PCGF5: variants seen among roughly 807,000 people sequenced by gnomAD.
The protein encoded by PCGF5 is polycomb group RING finger protein 5.
A neutral mutation model predicts 44.3 loss-of-function variants in PCGF5; 9 were observed. The observed-to-expected ratio is 0.20, with a 90% CI of 0.12 to 0.35. The LOEUF (loss-of-function observed/expected upper bound fraction) is 0.35. Among genes scored for constraint, PCGF5 ranks in the 10% least tolerant of loss-of-function variants. The pLI is 1.00. For missense variants in PCGF5, 146 were observed against 305.3 expected, an observed-to-expected ratio of 0.48 and a Z score of 3.89; for synonymous variants, 95 against 102.5, an observed-to-expected ratio of 0.93 and a Z score of 0.44.
At chr10:91,194,111 A>C (rs1844084043) in intron 1 of PCGF5, among the ~76,000 whole-genome samples, 1 of 152,288 alleles carries the variant, frequency 6.6e-6, no homozygotes, top group South Asian at 2.1e-4. Flanking sequence ...CATGTCTGTT[A>C]AACATCCAGT....
At chr10:91,180,532 GT>G (rs1362057700) in intron 1 of PCGF5, among the ~76,000 whole-genome samples, 1 of 152,096 alleles carries the variant, frequency 6.6e-6, no homozygotes, top group African/African-American at 2.4e-5. Context: ...TAAGGAAGGG[GT>G]CCAGTTTCAA....
intron 1 of PCGF5, among the ~76,000 whole-genome samples, chr10:91,180,995 T>C (rs1263203120): frequency 6.6e-6 from 1 of 152,222 alleles, no homozygotes; most frequent in Admixed American, 6.5e-5. Context: ...TGGAATGTTT[T>C]TCAATTTGTG....
chr10:91,240,107 G>A (rs960801655), intron 2 of PCGF5, among the ~76,000 whole-genome samples: 1 of 152,122 alleles, frequency 6.6e-6, no homozygotes, highest in East Asian at 1.9e-4. Context: ...TTAAATAAAT[G>A]TTTAGCAAAG....
At chr10:91,233,421 T>TA (rs1262682682) in intron 2 of PCGF5, among the ~76,000 whole-genome samples, 12 of 151,266 alleles carry the variant, frequency 7.9e-5, no homozygotes, top group South Asian at 4.2e-4. Flanking sequence ...AAAATAAAAA[T>TA]AAAAAAAAAT....
intron 2 of PCGF5, chr10:91,227,436 A>G: frequency 7.8e-7 from 1 of 1,289,444 alleles, no homozygotes; most frequent in South Asian, 1.2e-5. Context: ...TCAGTTATCC[A>G]AGCAAGAAAT....
rs573452092 is a variant in PCGF5, at chr10:91,250,758, T to C, written c.326-534T>C. Among the ~76,000 whole-genome samples, 6 of 152,028 alleles carry C rather than the reference T, an allele frequency of 3.9e-5. No homozygotes were observed. The South Asian group carries it at 1.2e-3, about 31-fold the overall frequency. On this transcript the variant is annotated intron_variant, in intron 5 of 9. Coordinates refer to ENST00000336126, the MANE Select transcript of PCGF5 (RefSeq NM_032373.5). Reference sequence around the variant, plus strand: ...TCTTTAATGGAGTTGTAACATGTTATGTATTAATAGCTATATACATGTTAA... The same window carrying C: ...TCTTTAATGGAGTTGTAACATGTTACGTATTAATAGCTATATACATGTTAA...
chr10:91,187,840 T>C (rs1843955024), intron 1 of PCGF5, among the ~76,000 whole-genome samples: 1 of 152,088 alleles, frequency 6.6e-6, no homozygotes, highest in Non-Finnish European at 1.5e-5. Flanking sequence ...AAACTTAGAG[T>C]ATTTTCTATA....
chr10:91,163,376 A>G (rs1269795645), intron 1 of PCGF5, among the ~76,000 whole-genome samples: 1 of 151,522 alleles, frequency 6.6e-6, no homozygotes, highest in Non-Finnish European at 1.5e-5. Context: ...TCTTCCCCAG[A>G]GGGGCGCCTT....
At chr10:91,214,885 A>G (rs1844514602) in intron 1 of PCGF5, among the ~76,000 whole-genome samples, 1 of 152,248 alleles carries the variant, frequency 6.6e-6, no homozygotes, top group African/African-American at 2.4e-5. Flanking sequence ...AGTTATTTTA[A>G]AATCAATTTA....
At chr10:91,156,600 T>C in the PCGF5 span, among the ~76,000 whole-genome samples, 10 of 152,158 alleles carry the variant, frequency 6.6e-5, no homozygotes, top group African/African-American at 2.4e-4. Context: ...CTATGAACTA[T>C]GCCCGAGTCA....
intron 6 of PCGF5, among the ~76,000 whole-genome samples, chr10:91,260,550 G>C (rs1023709956): frequency 2.0e-5 from 3 of 151,946 alleles, no homozygotes; most frequent in Admixed American, 1.3e-4. Context: ...GCAAAGACTT[G>C]GAACCAACCC....
chr10:91,156,830 G>A, the PCGF5 span, among the ~76,000 whole-genome samples: 1 of 152,276 alleles, frequency 6.6e-6, no homozygotes, highest in Admixed American at 6.5e-5. Flanking sequence ...CTCAACTTCA[G>A]AAACAAATCT....
chr10:91,180,463 A>AT (rs1184048602), intron 1 of PCGF5, among the ~76,000 whole-genome samples: 1 of 152,076 alleles, frequency 6.6e-6, no homozygotes, highest in African/African-American at 2.4e-5. Flanking sequence ...GGGTTTTTAT[A>AT]TTTTTTTGTT....
chr10:91,167,751 A>G (rs1410904990), intron 1 of PCGF5, among the ~76,000 whole-genome samples: 1 of 152,218 alleles, frequency 6.6e-6, no homozygotes, highest in East Asian at 1.9e-4. Flanking sequence ...GAATGATGTG[A>G]TCAAGACTAT....
chr10:91,221,735 A>C (rs1022665915), intron 1 of PCGF5, among the ~76,000 whole-genome samples: 3 of 152,220 alleles, frequency 2.0e-5, no homozygotes, highest in Admixed American at 6.5e-5. Context: ...AAAAAAAAAA[A>C]AAACCTGAGA....
At chr10:91,249,144 G>C (rs1273694191) in intron 5 of PCGF5, among the ~76,000 whole-genome samples, 1 of 151,836 alleles carries the variant, frequency 6.6e-6, no homozygotes, top group Non-Finnish European at 1.5e-5. Context: ...CAGATCAGGA[G>C]ATTTTACTAT....
the PCGF5 span, among the ~76,000 whole-genome samples, chr10:91,156,772 C>T: frequency 2.6e-5 from 4 of 152,198 alleles, no homozygotes; most frequent in African/African-American, 4.8e-5. Context: ...GTACCCACCA[C>T]ATTTAATTAT....
At chr10:91,206,040 A>G (rs1453071699) in intron 1 of PCGF5, among the ~76,000 whole-genome samples, 1 of 152,224 alleles carries the variant, frequency 6.6e-6, no homozygotes, top group Non-Finnish European at 1.5e-5. Flanking sequence ...CAAAAAAACT[A>G]AAAGACATGG....
At chr10:91,193,917 A>T (rs533176432) in intron 1 of PCGF5, among the ~76,000 whole-genome samples, 1 of 152,274 alleles carries the variant, frequency 6.6e-6, no homozygotes, top group African/African-American at 2.4e-5. Flanking sequence ...TTAAAGACGA[A>T]GTCCATTTCT....
Sources: gnomAD v4.1 joint callset for allele counts (sites outside exome capture counted in the v4.1 genomes callset) on GRCh38, gnomAD v4.1.1 for gene constraint, MANE v1.5 for transcripts, NCBI Gene and HGNC (gene_info 2026-07-23, HGNC 2026-07-21) for gene names.